The following BMP1 variants were observed in gnomAD, a reference collection of about 807,000 sequenced individuals.
BMP1 encodes bone morphogenetic protein 1.
A neutral mutation model predicts 116.8 loss-of-function variants in BMP1; 63 were observed. That is an observed-to-expected ratio of 0.54 (90% confidence interval 0.44 to 0.67). The LOEUF is 0.67. Ranked by LOEUF, BMP1 falls within the 30% of genes least tolerant of loss-of-function variation. The probability of loss-of-function intolerance (pLI) is 0.00; values close to 1 mark genes in which losing one functional copy is unlikely to be tolerated. For synonymous variants in BMP1, 536 were observed against 533.4 expected (o/e 1.00, Z -0.07); for missense variants, 1,183 against 1,358.9 (o/e 0.87, Z 2.04).
intron 19 of BMP1, among the ~76,000 whole-genome samples, chr8:22,211,182 A>G (rs1172013883): frequency 6.6e-6 from 1 of 152,230 alleles, no homozygotes; most frequent in East Asian, 1.9e-4. Flanking sequence ...GACAGCAGGA[A>G]GTGATGCCAT....
At chr8:22,187,497 A>ATTTTTTTT (rs768807192) in intron 8 of BMP1, among the ~76,000 whole-genome samples, 204 of 104,400 alleles carry the variant, frequency 2.0e-3, no homozygotes, top group African/African-American at 3.9e-3. Context: ...CGCCCGGCTA[A>ATTTTTTTT]TTTTTTTTTT....
Position 22,197,183 on chromosome 8 carries a change from G to C in BMP1, c.1927-57G>C. On this transcript the variant is annotated intron_variant, in intron 14 of 19. Transcript: ENST00000306385. ...AGAACAGAGAGCTTCCCGAGGGCAG[G>C]AGTAGTCAAGAGAGGCTTCCTGGAG... The C allele has an allele frequency of 1.9e-6, 3 of 1,576,630 alleles. No homozygotes were observed. In the South Asian group the frequency reaches 3.5e-5, roughly 18 times the overall value.
chr8:22,178,296 T>C (rs543001570), intron 6 of BMP1, among the ~76,000 whole-genome samples: 33 of 152,220 alleles, frequency 2.2e-4, no homozygotes, highest in Non-Finnish European at 3.7e-4. Flanking sequence ...TTGTTTGTTT[T>C]TGTTTTTGTT....
chr8:22,192,390 T>C, intron 9 of BMP1: 1 of 427,300 alleles, frequency 2.3e-6, no homozygotes, highest in Non-Finnish European at 4.3e-6. Context: ...CTTCTGGGCC[T>C]CCCTGTGAAG....
In BMP1 at chr8:22,211,933, G is replaced by C; in HGVS notation, c.*205G>C. 1.4e-6 allele frequency: 1 copy of C among 700,924 alleles called. No homozygotes were observed. The highest frequency in any genetic ancestry group is 1.9e-5 in the South Asian group (1 of 52,264). The allele number at this position is 700,924 out of a possible 1,614,324, so 43.4% of individuals were successfully genotyped here. ...CTTCCCCACAAACCCCCACCAGCAA[G>C]GGGCTGGGGCCAGGGAGCAGAGCTT... On this transcript the variant is annotated 3_prime_UTR_variant, in exon 20 of 20. Coordinates refer to ENST00000306385, the MANE Select transcript of BMP1 (RefSeq NM_006129.5).
At chr8:22,178,035 C>T in intron 6 of BMP1, 78 bp downstream of exon 6, 1 of 1,209,256 alleles carries the variant, frequency 8.3e-7, no homozygotes, top group East Asian at 2.4e-5. Context: ...CCTCCTGCCT[C>T]CCACTTCTGG....
chr8:22,195,690 G>C lies in BMP1; in HGVS notation c.1765+103G>C, dbSNP rs1829065236. The stretch of plus-strand genomic sequence containing the variant: ...AGACAGGCTTTTGCTCTGTCACCCA[G>C]GCTGGAAGTACAGTGGCTCAATCTT... On this transcript the variant is annotated intron_variant, in intron 13 of 19. Transcript: ENST00000306385. 3.3e-6 allele frequency: 5 copies of C among 1,493,232 alleles called. No individual in the cohort carries two copies. The South Asian group carries it at 6.2e-5, about 19-fold the overall frequency. The allele number at this position is 1,493,232 out of a possible 1,614,324, so 92.5% of individuals were successfully genotyped here.
intron 8 of BMP1, among the ~76,000 whole-genome samples, chr8:22,187,440 C>T (rs1828805533): frequency 6.6e-6 from 1 of 151,550 alleles, no homozygotes; most frequent in Non-Finnish European, 1.5e-5. Flanking sequence ...CAGCCATTCT[C>T]CTGCCTCAGC....
chr8:22,175,137 G>A (rs116567073), intron 2 of BMP1, among the ~76,000 whole-genome samples: 14 of 152,310 alleles, frequency 9.2e-5, no homozygotes, highest in African/African-American at 1.7e-4. Context: ...ATGGCACAAC[G>A]GAAAGCTGCA....
chr8:22,170,285 G>C (rs1054917764), intron 1 of BMP1: 1 of 152,626 alleles, frequency 6.6e-6, no homozygotes, highest in African/African-American at 2.4e-5. Flanking sequence ...AGAGAGTGTG[G>C]GTGAGCCAGC....
chr8:22,180,952 C>T (rs1029311742), intron 8 of BMP1, among the ~76,000 whole-genome samples: 2 of 152,134 alleles, frequency 1.3e-5, no homozygotes, highest in Admixed American at 1.3e-4. Flanking sequence ...AGCTCTCATC[C>T]GTCTCATCAG....
At chr8:22,202,121 G>A (rs529021567) in intron 16 of BMP1, among the ~76,000 whole-genome samples, 193 bp downstream of exon 16, 1 of 152,360 alleles carries the variant, frequency 6.6e-6, no homozygotes, top group African/African-American at 2.4e-5. Context: ...CACTTCTGTT[G>A]CCCACATTAG....
At position 22,179,614 on chromosome 8, in the gene BMP1, G is replaced by T. The variant is rs904184615; in HGVS notation, c.837-91G>T. 1.2e-4 allele frequency: 197 copies of T among 1,597,686 alleles called. No individual in the cohort carries two copies. The highest frequency in any genetic ancestry group is 1.6e-4 in the Non-Finnish European group (187 of 1,171,002). On this transcript the variant is annotated intron_variant, in intron 6 of 19. Coordinates refer to ENST00000306385, the MANE Select transcript of BMP1 (RefSeq NM_006129.5). This position sits in a 1 kb window ranked among gnomAD's most constrained non-coding sequence, Gnocchi z 4.6. Reference sequence around the variant, plus strand: ...TGAGGAATGTCTGAGCTCCAGCAGGGTCGTGACTTGTGGGTACAGATGGGC... The same window carrying T: ...TGAGGAATGTCTGAGCTCCAGCAGGTTCGTGACTTGTGGGTACAGATGGGC...
At chr8:22,207,199 C>A in intron 17 of BMP1, 104 bp from the exon 18 acceptor site, 1 of 1,411,556 alleles carries the variant, frequency 7.1e-7, no homozygotes, top group Non-Finnish European at 9.8e-7. Context: ...CCAGCTGTGG[C>A]TGCTCCCATG....
rs545164334 is a variant in BMP1 at position 22,189,134 on chromosome 8, A to G, written c.1078-2915A>G. Reference sequence around the variant, plus strand: ...TCCCCTTGACCCTCCTCCGGATCCCATTCCTCAGAGGTGACTAAGCATTGG... The same window carrying G: ...TCCCCTTGACCCTCCTCCGGATCCCGTTCCTCAGAGGTGACTAAGCATTGG... On this transcript the variant is annotated intron_variant, in intron 8 of 19. Transcript: ENST00000306385. Among the ~76,000 whole-genome samples the G allele has an allele frequency of 2.6e-5, 4 of 152,290 alleles. No individual in the cohort carries two copies. In the South Asian group the frequency reaches 8.3e-4, roughly 32 times the overall value.
chr8:22,196,033 T>A (rs1055315417), intron 13 of BMP1: 14 of 369,370 alleles, frequency 3.8e-5, no homozygotes, highest in Middle Eastern at 5.7e-4. Flanking sequence ...AAGAAACACA[T>A]GTCACATTGC....
In BMP1 at chr8:22,176,287, C is replaced by A. The variant is rs1273519099; in HGVS notation, c.407C>A (p.Pro136His). Residue 136 changes from proline (P) to histidine (H), a missense_variant, in exon 3 of 20, where the codon CCC becomes CAC. Physicochemically the swap from Pro to His is moderately conservative, Grantham distance 77. Around this residue, in one of 4 missense-constraint regions of BMP1, gnomAD observed 40 missense variants for 47.5 expected, o/e 0.84. Transcript: ENST00000306385. ...CGTGTGTGGCCCGATGGGGTCATCC[C>A]CTTTGTCATTGGGGGAAACTTCACT... ...PERVWPDGVI[P>H]FVIGGNFTGS... 6.2e-7 allele frequency: 1 copy of A among 1,605,100 alleles called. No homozygotes were observed. The highest frequency in any genetic ancestry group is 8.5e-7 in the Non-Finnish European group (1 of 1,174,750).
Position 22,179,107 on chromosome 8 carries a change from G to C in BMP1, c.837-598G>C, listed in dbSNP as rs150769643. 3.0e-3 allele frequency among the ~76,000 whole-genome samples: 459 copies of C among 152,328 alleles called. 2 individuals carry two copies. Among genetic ancestry groups the C allele is most frequent in the African/African-American group, 0.011 (438 of 41,558 alleles). ...CCTCCCCTTCACTCTGCTCCTCCCA[G>C]TGCAAACACCCAGGATTCAGCAGGG... On this transcript the variant is annotated intron_variant, in intron 6 of 19. Transcript: ENST00000306385. This position sits in a 1 kb window ranked among gnomAD's most constrained non-coding sequence, Gnocchi z 4.6.
intron 1 of BMP1, among the ~76,000 whole-genome samples, chr8:22,165,997 G>C (rs986741896): frequency 2.6e-5 from 4 of 151,236 alleles, no homozygotes; most frequent in African/African-American, 9.7e-5. Flanking sequence ...GGCTGCCCTG[G>C]GGCTGCACAT....
Sources: gnomAD v4.1 joint callset for allele counts (sites outside exome capture counted in the v4.1 genomes callset) on GRCh38, gnomAD v4.1.1 for gene constraint, gnomAD v4.1.1 regional missense constraint, Gnocchi (gnomAD v3.1) non-coding constraint, MANE v1.5 for transcripts, NCBI Gene and HGNC (gene_info 2026-07-23, HGNC 2026-07-21) for gene names.